MAGT1: variants seen among roughly 807,000 people sequenced by gnomAD.
The protein encoded by MAGT1 is magnesium transporter 1, also known as dolichyl-diphosphooligosaccharide--protein glycosyltransferase subunit MAGT1.
MAGT1 carries 4 observed loss-of-function variants against 28.4 expected under a neutral mutation model. The ratio of observed to expected loss-of-function variants is 0.14; its 90% CI spans 0.07 to 0.32. The LOEUF (loss-of-function observed/expected upper bound fraction) is 0.32, where lower values mean the gene tolerates loss of function less well. MAGT1 is among the 10% of genes least tolerant of loss of function. MAGT1 has a pLI of 1.00. For synonymous variants in MAGT1, 89 were observed against 89.7 expected, an observed-to-expected ratio of 0.99 and a Z score of 0.04; for missense variants, 193 against 264.5, an observed-to-expected ratio of 0.73 and a Z score of 1.88.
chrX:77,830,854 T>C lies in MAGT1; in HGVS notation c.943A>G (p.Ser315Gly). 8.6e-7 allele frequency: 1 copy of C among 1,160,848 alleles called. No individual in the cohort carries two copies. Among genetic ancestry groups the C allele is most frequent in the Non-Finnish European group, 1.2e-6 (1 of 862,953 alleles). Residue 315 changes from serine (S) to glycine (G), a missense_variant, in exon 9 of 10, where the codon AGT (serine) becomes GGT (glycine). By Grantham distance (56) the Ser-to-Gly change is moderately conservative (BLOSUM62 0). Transcript: ENST00000618282. ...GATCTAAAAATAGAGAGCATCCAAC[T>C]GAAGAATAATACAACAAGTCCAATA... ...AGIGLVVLFF[S>G]WMLSIFRSKY... is the part of the protein sequence containing the mutation.
At chrX:77,832,931 A>T (rs987856558) in intron 8 of MAGT1, among the ~76,000 whole-genome samples, 2 of 110,710 alleles carry the variant, frequency 1.8e-5, no homozygotes, top group Non-Finnish European at 3.8e-5. Flanking sequence ...ACACAATATG[A>T]CTAGGGCTTA....
rs372142118 is a variant in MAGT1, at chrX:77,857,386, G to A, written c.502C>T (p.Arg168Trp). The A allele has an allele frequency of 1.8e-5, 22 of 1,211,494 alleles. No individual in the cohort carries two copies. Among genetic ancestry groups the A allele is most frequent in the Non-Finnish European group, 2.0e-5 (18 of 895,401 alleles). Residue 168 changes from arginine (R) to tryptophan (W), a missense_variant, in exon 4 of 10, where the codon CGG becomes TGG. By Grantham distance (101) the Arg-to-Trp change is moderately radical. Coordinates refer to ENST00000618282, the MANE Select transcript of MAGT1 (RefSeq NM_001367916.1). ...VRGFSAEQIA[R>W]WIADRTDVNI... ...ACATCAGTTCTGTCGGCGATCCACC[G>A]GGCAATCTGCTCAGCTGAAAAACCC...
chrX:77,845,623 GGCA>G (rs1217511959), intron 7 of MAGT1, among the ~76,000 whole-genome samples: 1 of 111,467 alleles, frequency 9.0e-6, no homozygotes, highest in Non-Finnish European at 1.9e-5. Context: ...GCTCTTGTCG[GGCA>G]GGCCTGGTGG....
chrX:77,850,495 GT>G (rs1488190283), intron 7 of MAGT1, among the ~76,000 whole-genome samples: 687 of 40,176 alleles, frequency 0.017, no homozygotes, highest in African/African-American at 0.039. Flanking sequence ...GGGGGGGGGG[GT>G]GGGGAGTGGT....
In MAGT1 at chrX:77,884,649, T is replaced by C. The variant is rs183583258; in HGVS notation, c.103-9052A>G. 8.2e-5 allele frequency among the ~76,000 whole-genome samples: 9 copies of C among 109,958 alleles called. No individual in the cohort carries two copies. In the East Asian group the frequency reaches 1.4e-3, roughly 17 times the overall value. ...GATCCTGTCAGTGCACTGTAGGATG[T>C]TGAATAGCAACCCTGGCTTCTACTC... On this transcript the variant is annotated intron_variant, in intron 1 of 9. Transcript: ENST00000618282.
intron 6 of MAGT1, among the ~76,000 whole-genome samples, chrX:77,854,646 G>A: frequency 9.3e-6 from 1 of 107,955 alleles, no homozygotes; most frequent in African/African-American, 3.4e-5. Flanking sequence ...ACCACACCTG[G>A]CCCCATTTTT....
rs1232485204 is a variant in MAGT1 at position 77,895,372 on chromosome X, G to A, written c.39C>T (p.Thr13=). 1 of 1,210,719 alleles carries A rather than the reference G, an allele frequency of 8.3e-7. No homozygotes were observed. Among genetic ancestry groups the A allele is most frequent in the Non-Finnish European group, 1.1e-6 (1 of 895,381 alleles). Reference sequence around the variant, plus strand: ...AAACGATGAGCAGCGCCACCACCATGGTCACAGAGACACACCAAAACCGCC... The same window carrying A: ...AAACGATGAGCAGCGCCACCACCATAGTCACAGAGACACACCAAAACCGCC... ...ARWRFWCVSV[T]MVVALLIVCD... Residue 13 remains threonine (T), a synonymous_variant, in exon 1 of 10, where the codon ACC becomes ACT. Coordinates refer to ENST00000618282, the MANE Select transcript of MAGT1 (RefSeq NM_001367916.1).
chrX:77,881,726 C>T (rs1383390917), intron 1 of MAGT1, among the ~76,000 whole-genome samples: 1 of 111,089 alleles, frequency 9.0e-6, no homozygotes, highest in Non-Finnish European at 1.9e-5. Flanking sequence ...AATAAACATA[C>T]GTGTGCATGT....
At chrX:77,861,359 A>AAAACAAAC (rs781857582) in intron 3 of MAGT1, among the ~76,000 whole-genome samples, 1 of 111,804 alleles carries the variant, frequency 8.9e-6, no homozygotes, top group Admixed American at 9.6e-5. Context: ...GCTATTATCC[A>AAAACAAAC]AAACAAACAA....
chrX:77,857,286 A>T, intron 4 of MAGT1, 71 bp downstream of exon 4: 1 of 1,170,270 alleles, frequency 8.5e-7, no homozygotes, highest in African/African-American at 1.8e-5. Context: ...GGACAAGACT[A>T]ATTAGGGCCT....
At chrX:77,883,604 G>A (rs183848639) in intron 1 of MAGT1, among the ~76,000 whole-genome samples, 1 of 95,671 alleles carries the variant, frequency 1.0e-5, no homozygotes. Flanking sequence ...TGTTGCCTAG[G>A]CTGGAGTGCA....
Position 77,827,073 on chromosome X carries a change from C to T in MAGT1, c.*2147G>A, listed in dbSNP as rs924210015. On this transcript the variant is annotated 3_prime_UTR_variant, in exon 10 of 10. Transcript: ENST00000618282. ...GTCATAGTATCTTTTTAATGTAATA[C>T]TTGTAAGATTTCCTTAAAATTATTT... 8.9e-6 allele frequency: 1 copy of T among 112,055 alleles called. No individual in the cohort carries two copies. The allele number at this position is 112,055 out of a possible 1,213,427, so 9.2% of individuals were successfully genotyped here. A position where few individuals can be genotyped will look rare whatever the true frequency, so the allele number is the denominator to read the frequency against.
intron 1 of MAGT1, among the ~76,000 whole-genome samples, chrX:77,891,008 A>G (rs1381703467): frequency 1.8e-5 from 2 of 111,006 alleles, no homozygotes; most frequent in Non-Finnish European, 3.8e-5. Context: ...TATTATTATT[A>G]TTATTATAGA....
intron 7 of MAGT1, among the ~76,000 whole-genome samples, chrX:77,841,934 C>A (rs1003020968): frequency 4.8e-5 from 5 of 104,197 alleles, no homozygotes; most frequent in Non-Finnish European, 9.8e-5. Flanking sequence ...AAGCAATCCA[C>A]CTGCCTCGGC....
chrX:77,844,222 T>C (rs2076943643), intron 7 of MAGT1, among the ~76,000 whole-genome samples: 1 of 112,254 alleles, frequency 8.9e-6, no homozygotes, highest in Non-Finnish European at 1.9e-5. Context: ...CTAGATTTTC[T>C]AGTTTATTTG....
chrX:77,851,351 G>T (rs1218248317), intron 7 of MAGT1, among the ~76,000 whole-genome samples: 4 of 108,828 alleles, frequency 3.7e-5, no homozygotes, highest in Non-Finnish European at 5.7e-5. Context: ...GAGTAGCTGG[G>T]ATTACAGGCG....
In MAGT1 at chrX:77,865,460, T is replaced by C. The variant is rs139232147; in HGVS notation, c.390+5348A>G. On this transcript the variant is annotated intron_variant, in intron 3 of 9. Coordinates refer to ENST00000618282, the MANE Select transcript of MAGT1 (RefSeq NM_001367916.1). ...GCACACCACCATGCCCGTCTAATTT[T>C]TGTTGTTTTTTTTTTGTAGAGACAG... Among the ~76,000 whole-genome samples, 274 of 109,065 alleles carry C rather than the reference T, an allele frequency of 2.5e-3. 1 individual carries two copies. Among genetic ancestry groups the C allele is most frequent in the African/African-American group, 8.5e-3 (255 of 30,066 alleles). 94.7% of individuals were successfully genotyped at this position (109,065 alleles called of 115,157 possible).
Position 77,869,437 on chromosome X carries a change from A to G in MAGT1, c.390+1371T>C, listed in dbSNP as rs782507498. 7.1e-5 allele frequency among the ~76,000 whole-genome samples: 8 copies of G among 112,403 alleles called. No homozygotes were observed. The South Asian group carries it at 2.9e-3, about 41-fold the overall frequency. On this transcript the variant is annotated intron_variant, in intron 3 of 9. Coordinates refer to ENST00000618282, the MANE Select transcript of MAGT1 (RefSeq NM_001367916.1). ...TTAACTAAAAAGCTTCTGCACAGCA[A>G]AAGGAATAATCTGCAGAGTAAACCA...
chrX:77,829,908 A>G (rs1312795051), intron 9 of MAGT1, among the ~76,000 whole-genome samples: 7 of 112,812 alleles, frequency 6.2e-5, no homozygotes, highest in Non-Finnish European at 9.4e-5. Flanking sequence ...TCTAGAATAC[A>G]TATGAGATTT....
Sources: allele counts gnomAD v4.1 joint callset (sites outside exome capture counted in the v4.1 genomes callset), GRCh38; gene constraint gnomAD v4.1.1; transcripts MANE v1.5; gene names NCBI Gene and HGNC (gene_info 2026-07-23, HGNC 2026-07-21).